Variants in TRERF1 observed in about 807,000 individuals in gnomAD.
TRERF1 encodes transcriptional-regulating factor 1.
A neutral mutation model predicts 122.9 loss-of-function variants in TRERF1; 27 were observed. That is an observed-to-expected ratio of 0.22 (90% CI 0.16 to 0.30). The LOEUF (loss-of-function observed/expected upper bound fraction) is 0.30. Among genes scored for constraint, TRERF1 ranks in the 10% least tolerant of loss-of-function variants. The pLI is 1.00. For missense variants in TRERF1, 1,248 were observed against 1,560.3 expected, an observed-to-expected ratio of 0.80 and a Z score of 3.37; for synonymous variants, 636 against 641.7, an observed-to-expected ratio of 0.99 and a Z score of 0.13.
rs1491517636 is a variant in TRERF1, at chr6:42,360,770, T to TAAAAAAAAAAAAAAAAA, written c.-371+2226_-371+2227insTTTTTTTTTTTTTTTTT. On this transcript the variant is annotated intron_variant, in intron 3 of 17. Transcript: ENST00000372922. ...ACCCAGGGAGGAAGGAGTGGAGAGATTAAAAAAAAAAAAAAAAAAAAAAAA... is the reference window on the plus strand; with the variant it reads ...ACCCAGGGAGGAAGGAGTGGAGAGATAAAAAAAAAAAAAAAAATAAAAAAAAAAAAAAAAAAAAAAAA... 2.5e-4 allele frequency among the ~76,000 whole-genome samples: 16 copies of TAAAAAAAAAAAAAAAAA among 64,046 alleles called. 2 individuals carry two copies. The highest frequency in any genetic ancestry group is 6.9e-4 in the African/African-American group (15 of 21,586). 42.0% of individuals were successfully genotyped at this position (64,046 alleles called of 152,430 possible). A position where few individuals can be genotyped will look rare whatever the true frequency, so the allele number is the denominator to read the frequency against.
intron 2 of TRERF1, among the ~76,000 whole-genome samples, chr6:42,377,438 G>A (rs920373633): frequency 5.9e-5 from 9 of 152,120 alleles, no homozygotes; most frequent in Non-Finnish European, 1.3e-4. Context: ...TTTGTGACTG[G>A]CTTCTTTCAC....
intron 4 of TRERF1, among the ~76,000 whole-genome samples, chr6:42,290,928 C>T (rs544063073): frequency 2.6e-5 from 4 of 151,880 alleles, no homozygotes; most frequent in East Asian, 3.9e-4. Context: ...GCCACAGTCA[C>T]GAACCCTCTG....
chr6:42,271,046 G>A (rs528731075), intron 4 of TRERF1, among the ~76,000 whole-genome samples: 6 of 151,818 alleles, frequency 4.0e-5, no homozygotes, highest in South Asian at 2.1e-4. Context: ...TTAGCTGGGC[G>A]TGGTGGCAGG....
intron 12 of TRERF1, among the ~76,000 whole-genome samples, 163 bp downstream of exon 12, chr6:42,256,565 C>T (rs1180183297): frequency 6.7e-6 from 1 of 150,324 alleles, no homozygotes; most frequent in African/African-American, 2.5e-5. Flanking sequence ...CAGACTTTAA[C>T]ATCCTGACCT....
chr6:42,312,778 G>A (rs1452439116), intron 3 of TRERF1, among the ~76,000 whole-genome samples: 1 of 152,168 alleles, frequency 6.6e-6, no homozygotes, highest in African/African-American at 2.4e-5. Context: ...TCTTAGTGCC[G>A]GGTGTGGTGT....
intron 2 of TRERF1, among the ~76,000 whole-genome samples, chr6:42,428,492 G>A (rs1456650301): frequency 6.6e-6 from 1 of 152,206 alleles, no homozygotes; most frequent in Non-Finnish European, 1.5e-5. Flanking sequence ...GTGCGAGAGG[G>A]TGAAACCCCA....
intron 6 of TRERF1, among the ~76,000 whole-genome samples, chr6:42,265,132 T>G (rs1778919014): frequency 6.6e-6 from 1 of 152,222 alleles, no homozygotes; most frequent in African/African-American, 2.4e-5. Flanking sequence ...CAATGGATTT[T>G]GACTTGGGAA....
intron 2 of TRERF1, among the ~76,000 whole-genome samples, chr6:42,440,362 C>T (rs935283492): frequency 1.3e-5 from 2 of 152,170 alleles, no homozygotes; most frequent in Non-Finnish European, 2.9e-5. Context: ...GATACCAGCT[C>T]CGCCACGCAG....
intron 15 of TRERF1, among the ~76,000 whole-genome samples, chr6:42,237,493 G>A (rs959123034): frequency 2.6e-5 from 4 of 152,176 alleles, no homozygotes; most frequent in South Asian, 2.1e-4. Flanking sequence ...CTATGCCACC[G>A]AATAGGCTGT....
intron 3 of TRERF1, among the ~76,000 whole-genome samples, chr6:42,325,949 CCACATGTTCT>C (rs1764208289): frequency 6.6e-6 from 1 of 152,134 alleles, no homozygotes; most frequent in South Asian, 2.1e-4. Flanking sequence ...AAACCAAATA[CCACATGTTCT>C]CACTTATGAG....
At chr6:42,359,253 G>A (rs1391017060) in intron 3 of TRERF1, among the ~76,000 whole-genome samples, 1 of 152,216 alleles carries the variant, frequency 6.6e-6, no homozygotes, top group Admixed American at 6.5e-5. Flanking sequence ...CATATTGTCA[G>A]CTGAAATTCT....
chr6:42,303,085 A>C (rs1786501093), intron 3 of TRERF1, among the ~76,000 whole-genome samples: 1 of 152,262 alleles, frequency 6.6e-6, no homozygotes, highest in Admixed American at 6.5e-5. Flanking sequence ...AGTTAAGGGA[A>C]AGGAAATGAA....
At chr6:42,314,956 A>G (rs12211455) in intron 3 of TRERF1, among the ~76,000 whole-genome samples, 3,052 of 152,312 alleles carry the variant, frequency 0.02, 40 homozygotes, top group Middle Eastern at 0.051. Context: ...GGAAAGGCCA[A>G]GGTAAGGAGG....
At chr6:42,253,159 T>C (rs549068853) in intron 13 of TRERF1, among the ~76,000 whole-genome samples, 35 of 152,322 alleles carry the variant, frequency 2.3e-4, no homozygotes, top group African/African-American at 7.9e-4. Context: ...TCCTAGTACA[T>C]AGCTTTCTGA....
chr6:42,289,114 G>T (rs1260668044), intron 4 of TRERF1, among the ~76,000 whole-genome samples: 1 of 151,812 alleles, frequency 6.6e-6, no homozygotes, highest in East Asian at 1.9e-4. Context: ...ATTTGAGGTC[G>T]AGAGTTCAAG....
rs1268902691 is a variant in TRERF1 at position 42,276,843 on chromosome 6, G to A, written c.-258-6995C>T. Among the ~76,000 whole-genome samples, 1 of 152,102 alleles carries A rather than the reference G, an allele frequency of 6.6e-6. No homozygotes were observed. The highest frequency in any genetic ancestry group is 1.9e-4 in the East Asian group (1 of 5,194). ...GAAACATTCATTTCTCTACCCTCAGGTCTCACCCTGTAGCATCAGTTGCTC... is the reference window on the plus strand; with the variant it reads ...GAAACATTCATTTCTCTACCCTCAGATCTCACCCTGTAGCATCAGTTGCTC... On this transcript the variant is annotated intron_variant, in intron 4 of 17. Coordinates refer to ENST00000372922, the Ensembl canonical transcript of TRERF1. This position sits in a 1 kb window ranked among gnomAD's most constrained non-coding sequence, Gnocchi z 4.3.
rs770725567 is a variant in TRERF1 at position 42,269,007 on chromosome 6, G to A, written c.584C>T (p.Pro195Leu). 18 of 1,613,496 alleles carry A rather than the reference G, an allele frequency of 1.1e-5. No individual in the cohort carries two copies. Among genetic ancestry groups the A allele is most frequent in the East Asian group, 2.2e-5 (1 of 44,886 alleles). ...CTGCTGGTAGCGGGAAGGGATAGCC[G>A]GTGCTGGGGGCTCCATGGGCTTCTG... Residue 195 changes from proline (P) to leucine (L), a missense_variant, in exon 5 of 18, where the codon CCG (proline) becomes CTG (leucine). Coordinates refer to ENST00000372922, the Ensembl canonical transcript of TRERF1. This position sits in a 1 kb window ranked among gnomAD's most constrained non-coding sequence, Gnocchi z 4.9.
intron 8 of TRERF1, among the ~76,000 whole-genome samples, chr6:42,260,312 C>T (rs1372093101): frequency 6.6e-6 from 1 of 151,940 alleles, no homozygotes; most frequent in Non-Finnish European, 1.5e-5. Context: ...AAAAACGGAT[C>T]TGGTTAACCT....
intron 2 of TRERF1, among the ~76,000 whole-genome samples, chr6:42,399,214 A>G (rs1779049916): frequency 6.6e-6 from 1 of 152,244 alleles, no homozygotes; most frequent in African/African-American, 2.4e-5. Context: ...TTTTTTTTAA[A>G]TAAAACAAAA....
Sources: gnomAD v4.1 joint callset for allele counts (sites outside exome capture counted in the v4.1 genomes callset) on GRCh38, gnomAD v4.1.1 for gene constraint, Gnocchi (gnomAD v3.1) non-coding constraint, MANE v1.5 for transcripts, NCBI Gene and HGNC (gene_info 2026-07-23, HGNC 2026-07-21) for gene names.